Variants in NCAM2 observed in about 807,000 individuals in gnomAD.
NCAM2 encodes neural cell adhesion molecule 2.
A neutral mutation model predicts 98.1 loss-of-function variants in NCAM2; 30 were observed. The ratio of observed to expected loss-of-function variants is 0.31; its 90% CI spans 0.23 to 0.41. The LOEUF (loss-of-function observed/expected upper bound fraction) is 0.41, where lower values mean the gene tolerates loss of function less well. Among genes scored for constraint, NCAM2 ranks in the 10% least tolerant of loss-of-function variants. NCAM2 has a pLI of 1.00. For missense variants in NCAM2, 867 were observed against 1,005.8 expected (o/e 0.86, Z 1.87); for synonymous variants, 368 against 342.4 (o/e 1.07, Z -0.83).
intron 1 of NCAM2, among the ~76,000 whole-genome samples, chr21:21,159,849 A>T (rs1260578921): frequency 6.6e-6 from 1 of 151,526 alleles, no homozygotes; most frequent in Non-Finnish European, 1.5e-5. Context: ...TGTGGTTTAA[A>T]CATTTATAAT....
At chr21:21,024,289 T>C (rs1461837934) in intron 1 of NCAM2, among the ~76,000 whole-genome samples, 1 of 152,210 alleles carries the variant, frequency 6.6e-6, no homozygotes, top group African/African-American at 2.4e-5. Flanking sequence ...ATGATACCAC[T>C]ATTTCTGGGA....
chr21:21,264,686 C>G (rs1183201915), intron 1 of NCAM2, among the ~76,000 whole-genome samples: 3 of 148,490 alleles, frequency 2.0e-5, no homozygotes, highest in Admixed American at 6.9e-5. Flanking sequence ...CACATATATA[C>G]ACACACATAC....
rs141319229 is a variant in NCAM2, at chr21:21,513,739, T to C, written c.2282+4684T>C. 3.9e-3 allele frequency among the ~76,000 whole-genome samples: 588 copies of C among 152,296 alleles called. 7 individuals are homozygous for C. The highest frequency in any genetic ancestry group is 0.013 in the African/African-American group (559 of 41,570). On this transcript the variant is annotated intron_variant, in intron 16 of 17. Coordinates refer to ENST00000400546, the MANE Select transcript of NCAM2 (RefSeq NM_004540.5). Reference sequence around the variant, plus strand: ...GGTCTATAGCATATTTTAGGACTTATGTTTCTCTGTTGATTTTCTGCCTGG... The same window carrying C: ...GGTCTATAGCATATTTTAGGACTTACGTTTCTCTGTTGATTTTCTGCCTGG...
chr21:21,492,096 AT>A (rs1220174105), intron 15 of NCAM2, among the ~76,000 whole-genome samples: 1 of 151,590 alleles, frequency 6.6e-6, no homozygotes, highest in Non-Finnish European at 1.5e-5. Context: ...AACTAAAGAG[AT>A]TTGAGAAAAT....
intron 8 of NCAM2, among the ~76,000 whole-genome samples, chr21:21,360,620 A>C (rs969795171): frequency 2.0e-5 from 3 of 151,978 alleles, no homozygotes; most frequent in African/African-American, 7.2e-5. Flanking sequence ...CACTCCTTTC[A>C]ATCACCAACT....
intron 12 of NCAM2, among the ~76,000 whole-genome samples, chr21:21,437,973 A>T (rs1374466381): frequency 6.6e-6 from 1 of 152,038 alleles, no homozygotes; most frequent in African/African-American, 2.4e-5. Flanking sequence ...TTTGTAAATC[A>T]CAGGTTGTGT....
At chr21:21,232,621 A>G (rs1223126104) in intron 1 of NCAM2, among the ~76,000 whole-genome samples, 1 of 151,678 alleles carries the variant, frequency 6.6e-6, no homozygotes. Flanking sequence ...GAAAAATAAC[A>G]TCCATTAATA....
At chr21:21,509,110 C>G in intron 16 of NCAM2, 55 bp downstream of exon 16, 1 of 1,581,914 alleles carries the variant, frequency 6.3e-7, no homozygotes, top group South Asian at 1.1e-5. Context: ...CAGTCAAGCT[C>G]GAGTGCTTTA....
chr21:21,425,212 T>C (rs116167752), intron 11 of NCAM2, among the ~76,000 whole-genome samples: 2 of 151,768 alleles, frequency 1.3e-5, no homozygotes, highest in African/African-American at 4.8e-5. Flanking sequence ...AATGTACGTA[T>C]GTAACTAACC....
intron 11 of NCAM2, among the ~76,000 whole-genome samples, chr21:21,419,538 G>A (rs2077068359): frequency 8.5e-6 from 1 of 117,114 alleles, no homozygotes; most frequent in African/African-American, 3.4e-5. Context: ...AGTCCCTGGA[G>A]TGTGATGCTC....
chr21:21,015,357 T>C (rs2064286235), intron 1 of NCAM2, among the ~76,000 whole-genome samples: 1 of 152,028 alleles, frequency 6.6e-6, no homozygotes, highest in Admixed American at 6.5e-5. Context: ...TTTTGAGAAA[T>C]TGCCACAGTC....
intron 8 of NCAM2, 151 bp downstream of exon 8, chr21:21,338,685 C>T (rs2074945551): frequency 3.9e-6 from 3 of 778,802 alleles, no homozygotes; most frequent in Non-Finnish European, 5.9e-6. Context: ...AACACAATGT[C>T]GGCTTTACCA....
intron 8 of NCAM2, among the ~76,000 whole-genome samples, chr21:21,356,717 A>T (rs1254306797): frequency 6.6e-6 from 1 of 152,082 alleles, no homozygotes; most frequent in Non-Finnish European, 1.5e-5. Flanking sequence ...TTCGCCAGGC[A>T]CAGTGGCTCA....
At chr21:21,416,941 T>C (rs1602275822) in intron 10 of NCAM2, among the ~76,000 whole-genome samples, 2 of 152,070 alleles carry the variant, frequency 1.3e-5, no homozygotes, top group South Asian at 4.2e-4. Flanking sequence ...GTGTTTTCTT[T>C]ATTTATTAAG....
chr21:21,418,750 G>A (rs1414948534), intron 11 of NCAM2, among the ~76,000 whole-genome samples, 181 bp downstream of exon 11: 1 of 152,100 alleles, frequency 6.6e-6, no homozygotes, highest in Admixed American at 6.6e-5. Context: ...GGAATGAAGA[G>A]GGGTTACTCA....
At chr21:21,271,195 A>T (rs920261677) in intron 1 of NCAM2, among the ~76,000 whole-genome samples, 1 of 152,204 alleles carries the variant, frequency 6.6e-6, no homozygotes, top group Non-Finnish European at 1.5e-5. Context: ...TCTAAAAAGA[A>T]TGTATTTAAT....
At chr21:21,422,617 A>G (rs1376956520) in intron 11 of NCAM2, among the ~76,000 whole-genome samples, 2 of 152,194 alleles carry the variant, frequency 1.3e-5, no homozygotes, top group Non-Finnish European at 2.9e-5. Context: ...ATTGGGGGGA[A>G]AAAGTAATCT....
At chr21:21,151,048 C>G (rs2067433514) in intron 1 of NCAM2, among the ~76,000 whole-genome samples, 1 of 151,096 alleles carries the variant, frequency 6.6e-6, no homozygotes, top group South Asian at 2.1e-4. Context: ...TGGGTTTTGT[C>G]TTTCAAGGAG....
At chr21:21,333,505 G>A (rs1226187366) in intron 6 of NCAM2, among the ~76,000 whole-genome samples, 1 of 152,098 alleles carries the variant, frequency 6.6e-6, no homozygotes, top group Non-Finnish European at 1.5e-5. Context: ...ATGATGGGTG[G>A]CAACTAATTT....
Sources: allele counts gnomAD v4.1 joint callset (sites outside exome capture counted in the v4.1 genomes callset), GRCh38; gene constraint gnomAD v4.1.1; transcripts MANE v1.5; gene names NCBI Gene and HGNC (gene_info 2026-07-23, HGNC 2026-07-21).